DPP6: variants seen among roughly 807,000 people sequenced by gnomAD.
The protein encoded by DPP6 is A-type potassium channel modulatory protein DPP6.
Under a neutral mutation model 122.6 loss-of-function variants are expected in DPP6, and 69 were observed. That is an observed-to-expected ratio of 0.56 (90% confidence interval 0.46 to 0.69). The LOEUF (loss-of-function observed/expected upper bound fraction) is 0.69, where lower values mean the gene tolerates loss of function less well. Among genes scored for constraint, DPP6 ranks in the 30% least tolerant of loss-of-function variants. The pLI is 0.00. For synonymous variants in DPP6, 418 were observed against 433.1 expected (o/e 0.97, Z 0.43); for missense variants, 928 against 1,116.9 (o/e 0.83, Z 2.41).
intron 1 of DPP6, among the ~76,000 whole-genome samples, chr7:154,434,345 G>A (rs920092453): frequency 7.2e-5 from 11 of 152,176 alleles, no homozygotes; most frequent in African/African-American, 2.4e-4. Context: ...CAGAGTTATA[G>A]TTTCCACACA....
At chr7:154,324,846 TCTTTC>T (rs1011968694) in intron 1 of DPP6, among the ~76,000 whole-genome samples, 3 of 149,228 alleles carry the variant, frequency 2.0e-5, no homozygotes, top group African/African-American at 7.3e-5. Context: ...TTTCTTTCTT[TCTTTC>T]TTCTTTCCTT....
At chr7:154,370,017 CTG>C (rs1246696535) in intron 1 of DPP6, among the ~76,000 whole-genome samples, 6 of 148,468 alleles carry the variant, frequency 4.0e-5, no homozygotes, top group African/African-American at 1.5e-4. Flanking sequence ...GAGTCTCACT[CTG>C]TCACCCAGGC....
intron 7 of DPP6, among the ~76,000 whole-genome samples, chr7:154,680,774 T>A (rs541088530): frequency 3.8e-4 from 58 of 152,016 alleles, no homozygotes; most frequent in Admixed American, 1.6e-3. Context: ...TGTGCTCAAG[T>A]AGTGTTGAGG....
intron 1 of DPP6, among the ~76,000 whole-genome samples, chr7:154,269,804 T>G (rs1308875147): frequency 2.0e-5 from 3 of 152,116 alleles, no homozygotes; most frequent in Admixed American, 1.3e-4. Context: ...TCTCTGAATC[T>G]CAGAGGTACA....
the DPP6 span, among the ~76,000 whole-genome samples, chr7:153,870,681 C>T: frequency 2.5e-3 from 385 of 152,298 alleles, no homozygotes; most frequent in Non-Finnish European, 4.6e-3. Context: ...AGCTCTGTTC[C>T]GTTGCTGGTG....
chr7:154,177,852 C>T (rs140496678), intron 1 of DPP6, among the ~76,000 whole-genome samples: 197 of 152,304 alleles, frequency 1.3e-3, no homozygotes, highest in African/African-American at 4.5e-3. Context: ...TTAAACGCTT[C>T]GTATAACCCA....
chr7:154,342,200 G>A (rs1330280188), intron 1 of DPP6, among the ~76,000 whole-genome samples: 2 of 152,206 alleles, frequency 1.3e-5, no homozygotes, highest in Admixed American at 6.5e-5. Context: ...TGATTAGCCA[G>A]CAGGGTCTGA....
chr7:153,917,697 A>G (rs1800387716), intron 1 of DPP6, among the ~76,000 whole-genome samples: 1 of 152,190 alleles, frequency 6.6e-6, no homozygotes, highest in Admixed American at 6.5e-5. Context: ...AATTTCGTGG[A>G]TTATATGTGG....
intron 10 of DPP6, among the ~76,000 whole-genome samples, chr7:154,792,592 G>C (rs1797748738): frequency 6.6e-6 from 1 of 152,230 alleles, no homozygotes. Context: ...GTCAGTGCCA[G>C]GGCCAGGATG....
At chr7:154,033,860 C>T (rs1426151365) in intron 1 of DPP6, among the ~76,000 whole-genome samples, 1 of 151,818 alleles carries the variant, frequency 6.6e-6, no homozygotes, top group Non-Finnish European at 1.5e-5. Context: ...TTTTTTCTTA[C>T]AAATAACCAC....
At chr7:154,217,785 C>T (rs1317676230) in intron 1 of DPP6, among the ~76,000 whole-genome samples, 1 of 152,142 alleles carries the variant, frequency 6.6e-6, no homozygotes. Context: ...TCCTGCCCAG[C>T]TCAGGGTGGA....
At chr7:154,568,141 C>T (rs913328193) in intron 5 of DPP6, among the ~76,000 whole-genome samples, 2 of 152,218 alleles carry the variant, frequency 1.3e-5, no homozygotes, top group East Asian at 1.9e-4. Context: ...TACCTAGACA[C>T]AGCCTTAAAC....
chr7:153,982,287 T>A (rs1435768140), intron 1 of DPP6, among the ~76,000 whole-genome samples: 1 of 151,892 alleles, frequency 6.6e-6, no homozygotes, highest in East Asian at 2.0e-4. Flanking sequence ...CTTTATTTCA[T>A]TAAGTTGATC....
chr7:154,340,697 T>C (rs1809851982), intron 1 of DPP6, among the ~76,000 whole-genome samples: 1 of 152,234 alleles, frequency 6.6e-6, no homozygotes, highest in Non-Finnish European at 1.5e-5. Flanking sequence ...ACATGTGTTT[T>C]TCATGAATAG....
rs557964793 is a variant in DPP6, at chr7:154,804,024, TAC to T, written c.1499+72_1499+73del. Reference sequence around the variant, plus strand: ...GGCACATTTGTTATTTTTTGTCAATTACACTTATGGAGTACAGGAGCACAGGA... The same window carrying T: ...GGCACATTTGTTATTTTTTGTCAATTACTTATGGAGTACAGGAGCACAGGA... On this transcript the variant is annotated intron_variant, in intron 14 of 25. Coordinates refer to ENST00000377770, the MANE Select transcript of DPP6 (RefSeq NM_130797.4). 108 of 1,563,046 alleles carry T rather than the reference TAC, an allele frequency of 6.9e-5. No homozygotes were observed. In the Admixed American group the frequency reaches 1.3e-3, roughly 18 times the overall value.
chr7:154,005,234 A>T (rs1461627943), intron 1 of DPP6, among the ~76,000 whole-genome samples: 3 of 152,190 alleles, frequency 2.0e-5, no homozygotes, highest in Admixed American at 1.3e-4. Context: ...AAAATAACTA[A>T]TTTGCTCTAG....
intron 16 of DPP6, 92 bp downstream of exon 16, chr7:154,807,204 T>A (rs1172069809): frequency 6.6e-7 from 1 of 1,518,288 alleles, no homozygotes; most frequent in Non-Finnish European, 8.8e-7. Flanking sequence ...GGGCAGCGGC[T>A]GTGGTGGGAG....
chr7:154,081,484 A>C (rs1188915878), intron 1 of DPP6, among the ~76,000 whole-genome samples: 1 of 136,128 alleles, frequency 7.3e-6, no homozygotes, highest in Non-Finnish European at 1.6e-5. Context: ...CAAAATGAGG[A>C]CATGTAGTCA....
intron 1 of DPP6, among the ~76,000 whole-genome samples, chr7:154,147,489 C>CCTTT (rs1290934324): frequency 1.9e-5 from 2 of 103,410 alleles, no homozygotes; most frequent in African/African-American, 9.8e-5. Context: ...TTCCTTCCTT[C>CCTTT]CTTTCTTTTT....
Sources: allele counts gnomAD v4.1 joint callset (sites outside exome capture counted in the v4.1 genomes callset), GRCh38; gene constraint gnomAD v4.1.1; transcripts MANE v1.5; gene names NCBI Gene and HGNC (gene_info 2026-07-23, HGNC 2026-07-21).